Variants in TLN2 observed in about 807,000 individuals in gnomAD.
TLN2 encodes talin 2.
TLN2 carries 118 observed loss-of-function variants against 294.7 expected under a neutral mutation model. The observed-to-expected ratio is 0.40, with a 90% CI of 0.34 to 0.47. TLN2 has a LOEUF of 0.47. Ranked by LOEUF, TLN2 falls within the 20% of genes least tolerant of loss-of-function variation. The pLI, the probability that TLN2 is intolerant of heterozygous loss-of-function variation, is 0.84. For synonymous variants in TLN2, 1,431 were observed against 1,304.5 expected, an observed-to-expected ratio of 1.10 and a Z score of -2.09; for missense variants, 3,083 against 3,282.2, an observed-to-expected ratio of 0.94 and a Z score of 1.48.
chr15:62,666,011 T>C (rs1011121653), intron 9 of TLN2, among the ~76,000 whole-genome samples: 1 of 152,212 alleles, frequency 6.6e-6, no homozygotes, highest in African/African-American at 2.4e-5. Flanking sequence ...CAATAGTGTC[T>C]GTATTGTTTC....
intron 14 of TLN2, among the ~76,000 whole-genome samples, chr15:62,697,108 T>C (rs181075796): frequency 1.4e-3 from 217 of 152,340 alleles, no homozygotes; most frequent in Non-Finnish European, 2.2e-3. Flanking sequence ...CTCTGTGTTG[T>C]TGTCATTTTC....
intron 2 of TLN2, among the ~76,000 whole-genome samples, chr15:62,595,445 C>G (rs999834132): frequency 2.8e-5 from 4 of 141,142 alleles, no homozygotes; most frequent in African/African-American, 1.0e-4. Context: ...TGAAAGATAA[C>G]AAGTGTTGGT....
At chr15:62,468,045 A>G (rs754573767) in intron 1 of TLN2, among the ~76,000 whole-genome samples, 1 of 152,208 alleles carries the variant, frequency 6.6e-6, no homozygotes, top group Non-Finnish European at 1.5e-5. Context: ...TTAATAATCC[A>G]GACCCTTAAG....
At chr15:62,467,629 G>A (rs1231236431) in intron 1 of TLN2, among the ~76,000 whole-genome samples, 1 of 151,976 alleles carries the variant, frequency 6.6e-6, no homozygotes, top group East Asian at 1.9e-4. Flanking sequence ...AGGTTGCGGT[G>A]AGCTGAGATT....
intron 1 of TLN2, among the ~76,000 whole-genome samples, chr15:62,392,294 G>A (rs2032162107): frequency 6.6e-6 from 1 of 152,246 alleles, no homozygotes; most frequent in Admixed American, 6.5e-5. Context: ...CTTTCCAGAA[G>A]ATGAGAGAGG....
At position 62,809,278 on chromosome 15, in the gene TLN2, G is replaced by A. The variant is rs78076372; in HGVS notation, c.6664-647G>A. On this transcript the variant is annotated intron_variant, in intron 51 of 58. Transcript: ENST00000636159. ...TAATCATGAATGACTCAAGTTAGCA[G>A]GTCGTAAGTACAAGAAAAAAGCTCA... is the stretch of plus-strand genomic sequence containing the variant. Among the ~76,000 whole-genome samples, 340 of 152,332 alleles carry A rather than the reference G, an allele frequency of 2.2e-3. 4 individuals carry two copies. The highest frequency in any genetic ancestry group is 0.017 in the Admixed American group (257 of 15,300).
At chr15:62,705,534 C>G (rs374482923) in intron 19 of TLN2, among the ~76,000 whole-genome samples, 2 of 152,162 alleles carry the variant, frequency 1.3e-5, no homozygotes, top group East Asian at 1.9e-4. Flanking sequence ...AACAGGATTT[C>G]TTTAAACAAT....
intron 42 of TLN2, among the ~76,000 whole-genome samples, chr15:62,772,979 G>C (rs374168552): frequency 1.4e-4 from 21 of 151,976 alleles, no homozygotes; most frequent in African/African-American, 5.1e-4. Flanking sequence ...GGATTTTTAA[G>C]ACATTAACAC....
intron 46 of TLN2, among the ~76,000 whole-genome samples, chr15:62,793,466 T>A (rs1452163518): frequency 1.3e-5 from 2 of 152,222 alleles, no homozygotes; most frequent in East Asian, 1.9e-4. Flanking sequence ...AATATCTGAC[T>A]GATAGAACTG....
intron 1 of TLN2, among the ~76,000 whole-genome samples, chr15:62,502,650 C>G (rs11858008): frequency 0.078 from 11,941 of 152,250 alleles, 546 homozygotes; most frequent in Non-Finnish European, 0.099. Context: ...GATGTATCAT[C>G]TGTGCTTGGC....
At chr15:62,439,845 C>T (rs1286475261) in intron 1 of TLN2, among the ~76,000 whole-genome samples, 2 of 152,134 alleles carry the variant, frequency 1.3e-5, no homozygotes, top group African/African-American at 4.8e-5. Flanking sequence ...GGCTTGCAGT[C>T]AGAGGCCATT....
chr15:62,619,289 G>A (rs2048569089), intron 3 of TLN2, among the ~76,000 whole-genome samples: 1 of 152,220 alleles, frequency 6.6e-6, no homozygotes, highest in Admixed American at 6.5e-5. Flanking sequence ...GTGAGGCGCT[G>A]GAGAAGCTGC....
chr15:62,840,538 G>A lies in TLN2; in HGVS notation c.7557G>A (p.Arg2519=), dbSNP rs757580194. ...AAGAGCGAGAACTGGAAGAAGCAAG[G>A]AAAAAACTGGCCCAAATCCGCCAGC... ...LKKERELEEA[R]KKLAQIRQQQ... is the part of the protein sequence containing the mutation. Residue 2519 remains arginine, a synonymous_variant, in exon 59 of 59, where the codon AGG becomes AGA. Transcript: ENST00000636159. The A allele has an allele frequency of 2.0e-5, 32 of 1,614,194 alleles. No homozygotes were observed. The East Asian group carries it at 6.7e-4, about 34-fold the overall frequency.
At chr15:62,783,574 C>T (rs929802231) in intron 44 of TLN2, among the ~76,000 whole-genome samples, 197 bp from the exon 45 acceptor site, 1 of 152,234 alleles carries the variant, frequency 6.6e-6, no homozygotes, top group Non-Finnish European at 1.5e-5. Flanking sequence ...CTTTTGTGTG[C>T]AATGCAGCAT....
At chr15:62,588,199 T>G (rs1327220548) in intron 1 of TLN2, among the ~76,000 whole-genome samples, 2 of 152,178 alleles carry the variant, frequency 1.3e-5, no homozygotes, top group Admixed American at 1.3e-4. Flanking sequence ...ATATTTTTAT[T>G]GTTAGTATAG....
intron 11 of TLN2, among the ~76,000 whole-genome samples, chr15:62,675,910 C>T (rs1433063900): frequency 6.6e-6 from 1 of 152,164 alleles, no homozygotes; most frequent in Non-Finnish European, 1.5e-5. Context: ...TTTGTTACCC[C>T]TTTGCTTTTC....
At chr15:62,577,722 C>T (rs775165445) in intron 1 of TLN2, among the ~76,000 whole-genome samples, 83 of 152,082 alleles carry the variant, frequency 5.5e-4, no homozygotes, top group Non-Finnish European at 1.0e-3. Flanking sequence ...ACTTTAAGCT[C>T]TAGGGTACAT....
At chr15:62,464,628 T>C (rs2037008580) in intron 1 of TLN2, among the ~76,000 whole-genome samples, 1 of 151,732 alleles carries the variant, frequency 6.6e-6, no homozygotes, top group Non-Finnish European at 1.5e-5. Flanking sequence ...TAGCCAGAAG[T>C]GTTCTTCAGT....
chr15:62,572,797 T>G (rs1443524162), intron 1 of TLN2, among the ~76,000 whole-genome samples: 1 of 96,356 alleles, frequency 1.0e-5, no homozygotes, highest in East Asian at 7.4e-4. Context: ...ACCCTGGGTC[T>G]GGAGGCAGGA....
Sources: allele counts gnomAD v4.1 joint callset (sites outside exome capture counted in the v4.1 genomes callset), GRCh38; gene constraint gnomAD v4.1.1; transcripts MANE v1.5; gene names NCBI Gene and HGNC (gene_info 2026-07-23, HGNC 2026-07-21).